The following PKP4 variants were observed in gnomAD, a reference collection of about 807,000 sequenced individuals.
PKP4 encodes plakophilin-4.
In PKP4, 90 loss-of-function variants were observed where a neutral mutation model predicts 145.1. The observed-to-expected ratio is 0.62, with a 90% CI of 0.52 to 0.74. The LOEUF (loss-of-function observed/expected upper bound fraction) is 0.74, where lower values mean the gene tolerates loss of function less well. Ranked by LOEUF, PKP4 falls within the 30% of genes least tolerant of loss-of-function variation. PKP4 has a pLI of 0.00. For missense variants in PKP4, 1,340 were observed against 1,482.7 expected (o/e 0.90, Z 1.58); for synonymous variants, 563 against 577.2 (o/e 0.98, Z 0.35).
At chr2:158,516,301 G>T (rs1241367907) in intron 1 of PKP4, among the ~76,000 whole-genome samples, 1 of 151,986 alleles carries the variant, frequency 6.6e-6, no homozygotes, top group Non-Finnish European at 1.5e-5. Context: ...TGCACAACTG[G>T]CACACAGATT....
intron 4 of PKP4, among the ~76,000 whole-genome samples, chr2:158,616,624 A>G (rs534071379): frequency 1.3e-5 from 2 of 152,048 alleles, no homozygotes; most frequent in African/African-American, 4.8e-5. Flanking sequence ...GCCAAAACTC[A>G]CACCACACTG....
chr2:158,554,072 G>A (rs1229390867), intron 2 of PKP4, among the ~76,000 whole-genome samples: 5 of 150,058 alleles, frequency 3.3e-5, no homozygotes, highest in Non-Finnish European at 6.0e-5. Context: ...CTAAGTAGGT[G>A]GGGTCAGCAT....
intron 1 of PKP4, among the ~76,000 whole-genome samples, chr2:158,460,420 A>G (rs1689590426): frequency 6.6e-6 from 1 of 152,150 alleles, no homozygotes. Context: ...TAATGTAAAA[A>G]TTTGAAACTC....
chr2:158,484,282 C>T (rs1380706539), intron 1 of PKP4, among the ~76,000 whole-genome samples: 1 of 152,002 alleles, frequency 6.6e-6, no homozygotes, highest in Non-Finnish European at 1.5e-5. Flanking sequence ...CTCCTGACCT[C>T]GTGATCCACC....
At chr2:158,671,189 A>G (rs2057525904) in intron 17 of PKP4, among the ~76,000 whole-genome samples, 1 of 152,168 alleles carries the variant, frequency 6.6e-6, no homozygotes, top group Admixed American at 6.5e-5. Flanking sequence ...AATTGGCCAA[A>G]TGACAGTGCT....
chr2:158,628,229 T>C (rs996502384), intron 7 of PKP4, among the ~76,000 whole-genome samples: 4 of 152,096 alleles, frequency 2.6e-5, no homozygotes, highest in Non-Finnish European at 4.4e-5. Context: ...TCTGCCCGCC[T>C]CAGCCTCCCA....
At chr2:158,497,216 C>A (rs936706491) in intron 1 of PKP4, among the ~76,000 whole-genome samples, 2 of 152,140 alleles carry the variant, frequency 1.3e-5, no homozygotes, top group African/African-American at 4.8e-5. Context: ...CCTGCAGGAA[C>A]CTCCATGCAT....
intron 11 of PKP4, among the ~76,000 whole-genome samples, chr2:158,645,853 G>A (rs947246430): frequency 6.6e-6 from 1 of 152,160 alleles, no homozygotes; most frequent in African/African-American, 2.4e-5. Context: ...ACATGATTGT[G>A]TGCTCTTTTT....
intron 1 of PKP4, among the ~76,000 whole-genome samples, chr2:158,530,500 C>CTT (rs1254932285): frequency 2.4e-5 from 2 of 83,728 alleles, no homozygotes; most frequent in African/African-American, 1.1e-4. Flanking sequence ...AGTACTCTTT[C>CTT]TTTCTTTTTT....
chr2:158,632,848 C>T (rs13408164), intron 8 of PKP4, among the ~76,000 whole-genome samples: 15,055 of 152,124 alleles, frequency 0.099, 839 homozygotes, highest in Middle Eastern at 0.17. Flanking sequence ...AGAAATATTT[C>T]GCTTTTCCTT....
chr2:158,667,170 G>T (rs545683018), intron 16 of PKP4, among the ~76,000 whole-genome samples: 2 of 152,154 alleles, frequency 1.3e-5, no homozygotes, highest in Non-Finnish European at 2.9e-5. Context: ...ACCTCTGTAC[G>T]CTCCGCACCC....
At chr2:158,640,527 T>A (rs2054190141) in intron 9 of PKP4, 100 bp from the exon 10 acceptor site, 1 of 1,307,922 alleles carries the variant, frequency 7.6e-7, no homozygotes, top group Non-Finnish European at 1.1e-6. Context: ...ACTTCCCATT[T>A]TTGTCTCAGC....
At chr2:158,535,857 C>T (rs550778381) in intron 2 of PKP4, among the ~76,000 whole-genome samples, 54 of 152,060 alleles carry the variant, frequency 3.6e-4, no homozygotes, top group Non-Finnish European at 6.0e-4. Flanking sequence ...AGGAAGGGAC[C>T]CTATCAATGC....
In PKP4 at chr2:158,663,193, C is replaced by A. The variant is rs1321939673; in HGVS notation, c.2404-79C>A. 4 of 1,520,774 alleles carry A rather than the reference C, an allele frequency of 2.6e-6. No individual in the cohort carries two copies. In the East Asian group the frequency reaches 9.1e-5, roughly 34 times the overall value. 94.2% of individuals were successfully genotyped at this position (1,520,774 alleles called of 1,614,324 possible). A position where few individuals can be genotyped will look rare whatever the true frequency, so the allele number is the denominator to read the frequency against. The stretch of plus-strand genomic sequence containing the variant: ...ATTTTCTGCATAGCTATAGCTGAGT[C>A]CCGCAAAGGTGAATGTTTTCAAGTA... On this transcript the variant is annotated intron_variant, in intron 14 of 21. Coordinates refer to ENST00000389759, the MANE Select transcript of PKP4 (RefSeq NM_003628.6).
At chr2:158,665,359 A>G (rs761530030) in intron 15 of PKP4, among the ~76,000 whole-genome samples, 32 of 152,216 alleles carry the variant, frequency 2.1e-4, no homozygotes, top group Admixed American at 1.7e-3. Flanking sequence ...AAATAGGAGT[A>G]TGCATTTCAT....
At chr2:158,674,077 CAT>C in intron 19 of PKP4, 77 bp downstream of exon 19, 1 of 866,046 alleles carries the variant, frequency 1.2e-6, no homozygotes, top group Non-Finnish European at 2.0e-6. Context: ...GAAGATCAAA[CAT>C]AAGCTGGTTA....
In PKP4 at chr2:158,621,103, T is replaced by A. The variant is rs2052184340; in HGVS notation, c.394T>A (p.Ser132Thr). ...QGTLYSPEQT[S>T]LHESEGSLGN... ...AACCCTCTATTCACCAGAACAGACA[T>A]CTCTCCATGAAAGTGAGGGTCTGTT... Residue 132 changes from serine to threonine, a missense_variant, in exon 5 of 22, where the codon TCT becomes ACT. By Grantham distance (58) the Ser-to-Thr change is moderately conservative (BLOSUM62 1). Coordinates refer to ENST00000389759, the MANE Select transcript of PKP4 (RefSeq NM_003628.6). 2.5e-6 allele frequency: 4 copies of A among 1,614,134 alleles called. No individual in the cohort carries two copies. The highest frequency in any genetic ancestry group is 3.4e-6 in the Non-Finnish European group (4 of 1,179,990).
At chr2:158,518,994 G>C (rs2042137128) in intron 1 of PKP4, among the ~76,000 whole-genome samples, 1 of 152,026 alleles carries the variant, frequency 6.6e-6, no homozygotes, top group African/African-American at 2.4e-5. Context: ...CTCATTTTAA[G>C]TGATTTGTTT....
rs559086980 is a variant in PKP4 at position 158,625,671 on chromosome 2, T to G, written c.1153+244T>G. Among the ~76,000 whole-genome samples, 194 of 152,334 alleles carry G rather than the reference T, an allele frequency of 1.3e-3. 1 individual carries two copies. Among genetic ancestry groups the G allele is most frequent in the Admixed American group, 3.8e-3 (58 of 15,298 alleles). On this transcript the variant is annotated intron_variant, in intron 7 of 21. Coordinates refer to ENST00000389759, the MANE Select transcript of PKP4 (RefSeq NM_003628.6). ...TAACTCTTTTGTAATATTTTCCCACTAAATATTAGGGTTTAAAATGTGCTT... is the reference window on the plus strand; with the variant it reads ...TAACTCTTTTGTAATATTTTCCCACGAAATATTAGGGTTTAAAATGTGCTT...
Sources: gnomAD v4.1 joint callset for allele counts (sites outside exome capture counted in the v4.1 genomes callset) on GRCh38, gnomAD v4.1.1 for gene constraint, MANE v1.5 for transcripts, NCBI Gene and HGNC (gene_info 2026-07-23, HGNC 2026-07-21) for gene names.